PPM1G: variants seen among roughly 807,000 people sequenced by gnomAD.
PPM1G encodes protein phosphatase, Mg2+/Mn2+ dependent 1G, also known as protein phosphatase 1G.
PPM1G carries 12 observed loss-of-function variants against 59.4 expected under a neutral mutation model. The ratio of observed to expected loss-of-function variants is 0.20; its 90% CI spans 0.13 to 0.33. The LOEUF is 0.33. PPM1G is among the 10% of genes least tolerant of loss of function. The pLI is 1.00. For missense variants in PPM1G, 392 were observed against 681.3 expected, an observed-to-expected ratio of 0.58 and a Z score of 4.73; for synonymous variants, 245 against 251.9, an observed-to-expected ratio of 0.97 and a Z score of 0.26.
chr2:27,389,819 G>A (rs572762919), intron 1 of PPM1G, among the ~76,000 whole-genome samples: 6 of 152,070 alleles, frequency 3.9e-5, no homozygotes, highest in African/African-American at 1.4e-4. Flanking sequence ...TTTAAAGTTA[G>A]CCAGGCATAG....
intron 2 of PPM1G, chr2:27,386,483 A>C (rs1393298917): frequency 2.3e-6 from 1 of 432,880 alleles, no homozygotes; most frequent in African/African-American, 2.0e-5. Flanking sequence ...TCGGGTATAA[A>C]TATCTCGTCT....
chr2:27,401,624 G>A (rs889344080), intron 1 of PPM1G, among the ~76,000 whole-genome samples: 4 of 152,124 alleles, frequency 2.6e-5, no homozygotes, highest in South Asian at 4.1e-4. Context: ...CCAGGAGTTC[G>A]AGACCAGCCT....
Position 27,386,280 on chromosome 2 carries a change from C to G in PPM1G, c.191-1G>C. 6.2e-7 allele frequency: 1 copy of G among 1,609,418 alleles called. No homozygotes were observed. The highest frequency in any genetic ancestry group is 8.5e-7 in the Non-Finnish European group (1 of 1,175,936). ...GCACAGTACAAGGCAACTTCCTCCC[C>G]TAGAAGGAAAGGAAGGAAGGTCACC... On this transcript the variant is annotated splice_acceptor_variant, in intron 2 of 9. Transcript: ENST00000344034. LOFTEE classifies it high-confidence loss of function.
In PPM1G at chr2:27,409,289, C is replaced by G; in HGVS notation, c.120+14G>C. The G allele has an allele frequency of 6.4e-7, 1 of 1,554,156 alleles. No individual in the cohort carries two copies. On this transcript the variant is annotated intron_variant, in intron 1 of 9. Transcript: ENST00000344034. ...GCCCCGCAGCGGCCAGCCTATGGGC[C>G]CCTGCCTCCTCACCTCCATGGAGAC...
intron 2 of PPM1G, 23 bp downstream of exon 2, chr2:27,387,066 C>A: frequency 1.3e-6 from 2 of 1,578,150 alleles, no homozygotes; most frequent in South Asian, 1.1e-5. Flanking sequence ...TAGAATGTTA[C>A]CAATATGATC....
Position 27,384,547 on chromosome 2 carries a change from A to C in PPM1G, c.825+126T>G. On this transcript the variant is annotated intron_variant, in intron 5 of 9. Coordinates refer to ENST00000344034, the MANE Select transcript of PPM1G (RefSeq NM_177983.3). This position sits in a 1 kb window ranked among gnomAD's most constrained non-coding sequence, Gnocchi z 4.8. Reference sequence around the variant, plus strand: ...CTCAATGAATTCAAGACTAAAGCTTAGAATACAGTGGGTCTTGGGGGATGA... The same window carrying C: ...CTCAATGAATTCAAGACTAAAGCTTCGAATACAGTGGGTCTTGGGGGATGA... 21 of 1,184,596 alleles carry C rather than the reference A, an allele frequency of 1.8e-5. No homozygotes were observed. The highest frequency in any genetic ancestry group is 2.5e-5 in the Non-Finnish European group (21 of 844,782). The allele number at this position is 1,184,596 out of a possible 1,614,324, so 73.4% of individuals were successfully genotyped here.
chr2:27,396,172 C>T (rs1394079070), intron 1 of PPM1G, among the ~76,000 whole-genome samples: 4 of 151,878 alleles, frequency 2.6e-5, no homozygotes, highest in African/African-American at 9.7e-5. Flanking sequence ...CGTGGGAGGC[C>T]GAGGCAGGAC....
rs1324421729 is a variant in PPM1G at position 27,409,463 on chromosome 2, G to A, written c.-41C>T. ...GCGGCCTCAGGTGCAGGAAAGCTGG[G>A]CGCGACCCGTGCCGGAGCCGAAGCC... On this transcript the variant is annotated 5_prime_UTR_variant, in exon 1 of 10. Transcript: ENST00000344034. 2 of 1,456,516 alleles carry A rather than the reference G, an allele frequency of 1.4e-6. No homozygotes were observed. The highest frequency in any genetic ancestry group is 1.5e-5 in the African/African-American group (1 of 67,314). 90.2% of individuals were successfully genotyped at this position (1,456,516 alleles called of 1,614,324 possible).
rs1319503999 is a variant in PPM1G, at chr2:27,381,905, G to A, written c.1435-100C>T. On this transcript the variant is annotated intron_variant, in intron 9 of 9. Coordinates refer to ENST00000344034, the MANE Select transcript of PPM1G (RefSeq NM_177983.3). ...CTGGCTTGCTGAGTCAGGGTGGTAG[G>A]AGAGGAATGGGCAAGAGGTATCACA... 6 of 1,257,446 alleles carry A rather than the reference G, an allele frequency of 4.8e-6. No homozygotes were observed. The South Asian group carries it at 5.0e-5, about 11-fold the overall frequency. The allele number at this position is 1,257,446 out of a possible 1,614,324, so 77.9% of individuals were successfully genotyped here. A position where few individuals can be genotyped will look rare whatever the true frequency, so the allele number is the denominator to read the frequency against.
At chr2:27,393,852 T>A (rs1683978808) in intron 1 of PPM1G, among the ~76,000 whole-genome samples, 1 of 152,160 alleles carries the variant, frequency 6.6e-6, no homozygotes, top group Non-Finnish European at 1.5e-5. Flanking sequence ...AAGCTCCGCC[T>A]TCCGGGTTCA....
At chr2:27,392,969 T>C (rs1683952447) in intron 1 of PPM1G, 2 of 1,506,130 alleles carry the variant, frequency 1.3e-6, no homozygotes, top group Non-Finnish European at 9.1e-7. Context: ...TTTTTGTCAG[T>C]GGCCAGTTTG....
intron 1 of PPM1G, among the ~76,000 whole-genome samples, chr2:27,389,361 G>A (rs142037118): frequency 2.2e-3 from 339 of 151,650 alleles, no homozygotes; most frequent in Non-Finnish European, 3.5e-3. Context: ...ATAAAGATTC[G>A]TCTTACACCT....
intron 1 of PPM1G, among the ~76,000 whole-genome samples, chr2:27,390,230 G>C (rs1236104755): frequency 6.6e-6 from 1 of 152,128 alleles, no homozygotes; most frequent in Non-Finnish European, 1.5e-5. Context: ...ATGTTGCCCA[G>C]GCTCTTCTCA....
chr2:27,405,310 A>T (rs1265969499), intron 1 of PPM1G, among the ~76,000 whole-genome samples: 1 of 151,996 alleles, frequency 6.6e-6, no homozygotes, highest in African/African-American at 2.4e-5. Flanking sequence ...TGATCTCGTG[A>T]TCCGCCCACC....
chr2:27,396,819 C>CAAAAAAAAA lies in PPM1G; in HGVS notation c.121-9670_121-9662dup, dbSNP rs771980529. ...TGACAGAGCAAGACTCCGTCTCCAA[C>CAAAAAAAAA]AAAAAAAAAAAAAGAAAAGAAATGA... On this transcript the variant is annotated intron_variant, in intron 1 of 9. Transcript: ENST00000344034. 1.8e-4 allele frequency among the ~76,000 whole-genome samples: 23 copies of CAAAAAAAAA among 125,366 alleles called. 1 individual carries two copies. The highest frequency in any genetic ancestry group is 4.7e-4 in the African/African-American group (15 of 31,848). 82.2% of individuals were successfully genotyped at this position (125,366 alleles called of 152,430 possible). A position where few individuals can be genotyped will look rare whatever the true frequency, so the allele number is the denominator to read the frequency against.
chr2:27,406,000 T>A lies in PPM1G; in HGVS notation c.120+3303A>T, dbSNP rs572102626. The stretch of plus-strand genomic sequence containing the variant: ...CCTGGGCAACAAGATAGAAACTCCG[T>A]CTCAAAAACAAAACAAAACAAAACA... On this transcript the variant is annotated intron_variant, in intron 1 of 9. Coordinates refer to ENST00000344034, the MANE Select transcript of PPM1G (RefSeq NM_177983.3). Among the ~76,000 whole-genome samples the A allele has an allele frequency of 2.6e-5, 4 of 151,962 alleles. No individual in the cohort carries two copies. In the East Asian group the frequency reaches 7.8e-4, roughly 30 times the overall value.
At chr2:27,393,090 C>T in intron 1 of PPM1G, 1 of 1,261,934 alleles carries the variant, frequency 7.9e-7, no homozygotes, top group Non-Finnish European at 1.1e-6. Context: ...TCGCATTCTC[C>T]CCGCACAGTC....
At chr2:27,406,945 AC>A (rs1663385368) in intron 1 of PPM1G, among the ~76,000 whole-genome samples, 1 of 150,570 alleles carries the variant, frequency 6.6e-6, no homozygotes, top group Admixed American at 6.6e-5. Context: ...ACGAAACTAT[AC>A]CCAGATTTAT....
chr2:27,408,902 T>TA (rs1293173197), intron 1 of PPM1G, among the ~76,000 whole-genome samples: 6 of 152,234 alleles, frequency 3.9e-5, no homozygotes, highest in Non-Finnish European at 5.9e-5. Flanking sequence ...TTTAAAAAGT[T>TA]ATTCACATCT....
Sources: gnomAD v4.1 joint callset for allele counts (sites outside exome capture counted in the v4.1 genomes callset) on GRCh38, gnomAD v4.1.1 for gene constraint, Gnocchi (gnomAD v3.1) non-coding constraint, MANE v1.5 for transcripts, NCBI Gene and HGNC (gene_info 2026-07-23, HGNC 2026-07-21) for gene names.